ZFHX4: variants seen among roughly 807,000 people sequenced by gnomAD.
The protein encoded by ZFHX4 is zinc finger homeobox protein 4.
ZFHX4 carries 56 observed loss-of-function variants against 267.6 expected under a neutral mutation model. The ratio of observed to expected loss-of-function variants is 0.21; its 90% CI spans 0.17 to 0.26. The LOEUF (loss-of-function observed/expected upper bound fraction) is 0.26. ZFHX4 is among the 10% of genes least tolerant of loss of function. The pLI is 1.00. For missense variants in ZFHX4, 4,332 were observed against 4,420.0 expected, an observed-to-expected ratio of 0.98 and a Z score of 0.56; for synonymous variants, 1,778 against 1,665.6, an observed-to-expected ratio of 1.07 and a Z score of -1.64.
At chr8:76,861,210 ATATAACAT>A (rs1812857707) in intron 10 of ZFHX4, among the ~76,000 whole-genome samples, 1 of 150,926 alleles carries the variant, frequency 6.6e-6, no homozygotes, top group Non-Finnish European at 1.5e-5. Context: ...TTTTCTGGAA[ATATAACAT>A]TATTTTCCAG....
chr8:76,757,978 G>A (rs1809807953), intron 3 of ZFHX4, among the ~76,000 whole-genome samples: 3 of 152,066 alleles, frequency 2.0e-5, no homozygotes, highest in African/African-American at 7.2e-5. Context: ...TCATTCATGA[G>A]GTTTATTATC....
At chr8:76,687,771 T>C (rs768675876) in intron 1 of ZFHX4, among the ~76,000 whole-genome samples, 18 of 152,154 alleles carry the variant, frequency 1.2e-4, no homozygotes, top group Non-Finnish European at 2.2e-4. Flanking sequence ...GACAGAAAGG[T>C]AAACTGATAT....
At position 76,793,088 on chromosome 8, in the gene ZFHX4, G is replaced by A. The variant is rs183495356; in HGVS notation, c.3325+14649G>A. ...CTGACCTAATAACTTGTCCAGACTC[G>A]CAGGACACTGTAACCATACAATAAC... On this transcript the variant is annotated intron_variant, in intron 4 of 10. Transcript: ENST00000651372. Among the ~76,000 whole-genome samples, 6 of 152,194 alleles carry A rather than the reference G, an allele frequency of 3.9e-5. No individual in the cohort carries two copies. The East Asian group carries it at 7.8e-4, about 20-fold the overall frequency.
At chr8:76,685,257 C>T (rs528574793) in intron 1 of ZFHX4, among the ~76,000 whole-genome samples, 1 of 152,284 alleles carries the variant, frequency 6.6e-6, no homozygotes, top group Non-Finnish European at 1.5e-5. Context: ...AAATTGCCCT[C>T]TGCCTATATG....
Position 76,854,656 on chromosome 8 carries a change from A to G in ZFHX4, c.7735A>G (p.Lys2579Glu), listed in dbSNP as rs770792836. 1.2e-6 allele frequency: 2 copies of G among 1,613,746 alleles called. No individual in the cohort carries two copies. The highest frequency in any genetic ancestry group is 1.1e-5 in the South Asian group (1 of 91,064). ...TAPTTVAASL[K>E]RKLDDKEDNN... ...CCCCACAACGGTTGCTGCTTCCCTA[A>G]AAAGGAAACTAGACGATAAAGAAGA... Residue 2579 changes from lysine (K) to glutamate (E), a missense_variant, in exon 10 of 11, where the codon AAA (lysine) becomes GAA (glutamate). This residue lies in a region of ZFHX4 where 1,648 missense variants were observed against 1,625.0 expected (regional missense o/e 1.01). Coordinates refer to ENST00000651372, the MANE Select transcript of ZFHX4 (RefSeq NM_024721.5).
Position 76,853,917 on chromosome 8 carries a change from A to G in ZFHX4, c.6996A>G (p.Lys2332=). The change falls in exon 10 of 11, where the codon AAA becomes AAG. Residue 2332 remains lysine, a synonymous_variant. Transcript: ENST00000651372. The stretch of plus-strand genomic sequence containing the variant: ...TCTTTGACTTGATTACGCATCAGAA[A>G]AAGCAGTGTTACAAGGATGAAGATG... ...PRIFDLITHQ[K]KQCYKDEDDD... 1 of 1,613,916 alleles carries G rather than the reference A, an allele frequency of 6.2e-7. No homozygotes were observed. Among genetic ancestry groups the G allele is most frequent in the Non-Finnish European group, 8.5e-7 (1 of 1,179,870 alleles).
intron 4 of ZFHX4, among the ~76,000 whole-genome samples, chr8:76,816,144 A>C (rs1161609335): frequency 6.6e-6 from 1 of 152,180 alleles, no homozygotes; most frequent in Non-Finnish European, 1.5e-5. Flanking sequence ...TCACAAAGCT[A>C]ATTCATGGTG....
chr8:76,719,322 A>G (rs1165045832), intron 3 of ZFHX4, among the ~76,000 whole-genome samples: 2 of 151,984 alleles, frequency 1.3e-5, no homozygotes, highest in Non-Finnish European at 1.5e-5. Context: ...TTCCTGCACA[A>G]TGTAAGGGTT....
chr8:76,738,599 T>TTTCCCTCC (rs1554556158), intron 3 of ZFHX4, among the ~76,000 whole-genome samples: 28 of 130,102 alleles, frequency 2.2e-4, no homozygotes, highest in Non-Finnish European at 3.7e-4. Context: ...TTTCTTTCTT[T>TTTCCCTCC]TTCCTTCCTT....
chr8:76,834,773 C>G (rs1333401507), intron 5 of ZFHX4, among the ~76,000 whole-genome samples: 2 of 151,970 alleles, frequency 1.3e-5, no homozygotes, highest in African/African-American at 4.8e-5. Context: ...TCAATTCTTT[C>G]TTTCATAGAT....
chr8:76,743,276 T>G (rs1038478688), intron 3 of ZFHX4, among the ~76,000 whole-genome samples: 1 of 152,182 alleles, frequency 6.6e-6, no homozygotes, highest in African/African-American at 2.4e-5. Context: ...TTGGAGAAAC[T>G]GATAAGCTAC....
At chr8:76,707,503 T>C (rs1477419121) in intron 2 of ZFHX4, 43 bp from the exon 3 acceptor site, 3 of 1,448,818 alleles carry the variant, frequency 2.1e-6, no homozygotes, top group Non-Finnish European at 9.1e-7. Context: ...GTGTGCTGTG[T>C]TTTCTAGTCT....
chr8:76,785,372 C>A (rs1312975372), intron 4 of ZFHX4, among the ~76,000 whole-genome samples: 1 of 151,984 alleles, frequency 6.6e-6, no homozygotes, highest in African/African-American at 2.4e-5. Context: ...TGGATCTTCA[C>A]CCTATAATGG....
intron 4 of ZFHX4, among the ~76,000 whole-genome samples, chr8:76,795,609 C>G (rs566209391): frequency 6.7e-6 from 1 of 148,442 alleles, no homozygotes; most frequent in Non-Finnish European, 1.5e-5. Flanking sequence ...TGCAATGGCA[C>G]GATCTCAGCT....
rs1325485517 is a variant in ZFHX4 at position 76,821,995 on chromosome 8, G to C, written c.3326-11343G>C. On this transcript the variant is annotated intron_variant, in intron 4 of 10. Coordinates refer to ENST00000651372, the MANE Select transcript of ZFHX4 (RefSeq NM_024721.5). Reference sequence around the variant, plus strand: ...TCTCTGTTTCTCTATCTCTCTCTCTGTTTCTGCCCCTGTCTCTCCACATAC... The same window carrying C: ...TCTCTGTTTCTCTATCTCTCTCTCTCTTTCTGCCCCTGTCTCTCCACATAC... Among the ~76,000 whole-genome samples the C allele has an allele frequency of 8.6e-5, 13 of 151,726 alleles. No individual in the cohort carries two copies. In the East Asian group the frequency reaches 2.5e-3, roughly 29 times the overall value.
intron 4 of ZFHX4, among the ~76,000 whole-genome samples, chr8:76,814,285 T>C (rs1811448395): frequency 6.6e-6 from 1 of 152,200 alleles, no homozygotes; most frequent in Non-Finnish European, 1.5e-5. Flanking sequence ...TAAAACATTG[T>C]GACTGTTCCA....
intron 3 of ZFHX4, among the ~76,000 whole-genome samples, chr8:76,743,993 A>G (rs1397671061): frequency 1.3e-5 from 2 of 152,200 alleles, no homozygotes; most frequent in Admixed American, 1.3e-4. Context: ...TTTAAGGAGC[A>G]TAAATGTGAG....
chr8:76,704,359 A>G lies in ZFHX4; in HGVS notation c.271A>G (p.Ser91Gly), dbSNP rs922615110. Residue 91 changes from serine to glycine, a missense_variant, in exon 2 of 11, where the codon AGT (serine) becomes GGT (glycine). This residue lies in a region of ZFHX4 where 1,195 missense variants were observed against 1,173.6 expected (regional missense o/e 1.02). Transcript: ENST00000651372. The part of the protein sequence containing the change: ...PCNECATSFP[S>G]LQKYMEHHCP... ...CAACGAATGTGCCACTTCTTTTCCC[A>G]GTTTACAGAAATACATGGAACACCA... 5.0e-6 allele frequency: 8 copies of G among 1,613,906 alleles called. No individual in the cohort carries two copies. Among genetic ancestry groups the G allele is most frequent in the African/African-American group, 2.7e-5 (2 of 74,930 alleles).
At chr8:76,693,682 T>C (rs1401650191) in intron 1 of ZFHX4, among the ~76,000 whole-genome samples, 1 of 152,242 alleles carries the variant, frequency 6.6e-6, no homozygotes, top group Non-Finnish European at 1.5e-5. Flanking sequence ...CTGTGCTGAC[T>C]GCTCTGGGAT....
Sources: gnomAD v4.1 joint callset for allele counts (sites outside exome capture counted in the v4.1 genomes callset) on GRCh38, gnomAD v4.1.1 for gene constraint, gnomAD v4.1.1 regional missense constraint, MANE v1.5 for transcripts, NCBI Gene and HGNC (gene_info 2026-07-23, HGNC 2026-07-21) for gene names.